The following DPP10 variants were observed in gnomAD, a reference collection of about 807,000 sequenced individuals.
DPP10 encodes dipeptidyl peptidase like 10, also known as inactive dipeptidyl peptidase 10.
DPP10 carries 33 observed loss-of-function variants against 120.9 expected under a neutral mutation model. The ratio of observed to expected loss-of-function variants is 0.27; its 90% CI spans 0.21 to 0.37. DPP10 has a LOEUF of 0.37. Ranked by LOEUF, DPP10 falls within the 10% of genes least tolerant of loss-of-function variation. The pLI is 1.00. For missense variants in DPP10, 816 were observed against 942.8 expected, an observed-to-expected ratio of 0.87 and a Z score of 1.76; for synonymous variants, 337 against 326.1, an observed-to-expected ratio of 1.03 and a Z score of -0.36.
At chr2:114,723,701 C>A (rs1212417178) in intron 1 of DPP10, among the ~76,000 whole-genome samples, 1 of 152,042 alleles carries the variant, frequency 6.6e-6, no homozygotes, top group Non-Finnish European at 1.5e-5. Context: ...CCCCTACCCT[C>A]TTTAGTGCTA....
At chr2:115,016,371 CT>C (rs1702636860) in intron 1 of DPP10, among the ~76,000 whole-genome samples, 1 of 152,066 alleles carries the variant, frequency 6.6e-6, no homozygotes, top group South Asian at 2.1e-4. Flanking sequence ...GGAATAAAGA[CT>C]AAACATAAGA....
In DPP10 at chr2:114,569,181, T is replaced by C. The variant is rs554029565; in HGVS notation, c.60+126343T>C. Among the ~76,000 whole-genome samples the C allele has an allele frequency of 2.6e-5, 4 of 152,246 alleles. No homozygotes were observed. In the East Asian group the frequency reaches 7.7e-4, roughly 29 times the overall value. ...TTAACACTGAGAAAGTCTCTTAGAG[T>C]CCCTGAAGATGAAAGTGTAGATTTT... On this transcript the variant is annotated intron_variant, in intron 1 of 25. Transcript: ENST00000410059.
chr2:115,104,284 A>C (rs1300866490), intron 1 of DPP10, among the ~76,000 whole-genome samples: 2 of 147,914 alleles, frequency 1.4e-5, no homozygotes, highest in Non-Finnish European at 3.0e-5. Flanking sequence ...GAGCTCAAGC[A>C]ATCCTCCTGC....
chr2:115,781,619 C>T (rs1427822912), intron 16 of DPP10, among the ~76,000 whole-genome samples: 1 of 151,788 alleles, frequency 6.6e-6, no homozygotes, highest in Non-Finnish European at 1.5e-5. Context: ...GAGTTGAGTG[C>T]TACTACTGCA....
At chr2:114,591,772 C>T (rs1373726146) in intron 1 of DPP10, among the ~76,000 whole-genome samples, 4 of 151,892 alleles carry the variant, frequency 2.6e-5, no homozygotes, top group Non-Finnish European at 4.4e-5. Context: ...TCAGGCTGGT[C>T]TCGAACTCCT....
At chr2:114,941,994 C>T (rs1696937478) in intron 1 of DPP10, among the ~76,000 whole-genome samples, 2 of 151,926 alleles carry the variant, frequency 1.3e-5, no homozygotes. Context: ...GATATGTTGG[C>T]CGGGTGCGGT....
At chr2:115,687,538 G>T (rs1461717850) in intron 5 of DPP10, among the ~76,000 whole-genome samples, 2 of 144,500 alleles carry the variant, frequency 1.4e-5, no homozygotes, top group Non-Finnish European at 3.1e-5. Context: ...TATGGATGAG[G>T]CCCAAGCCTA....
chr2:115,601,921 T>C (rs1053397209), intron 5 of DPP10, among the ~76,000 whole-genome samples: 23 of 152,038 alleles, frequency 1.5e-4, no homozygotes, highest in African/African-American at 4.3e-4. Context: ...GACCTTGTGA[T>C]CCGCCTGCCT....
At chr2:114,502,364 T>C (rs1683271185) in intron 1 of DPP10, among the ~76,000 whole-genome samples, 1 of 152,192 alleles carries the variant, frequency 6.6e-6, no homozygotes, top group Non-Finnish European at 1.5e-5. Flanking sequence ...TTAAACTGGA[T>C]TGCTACTTAC....
chr2:114,466,713 A>G (rs1402679266), intron 1 of DPP10, among the ~76,000 whole-genome samples: 2 of 152,204 alleles, frequency 1.3e-5, no homozygotes, highest in African/African-American at 4.8e-5. Context: ...ATTATCATCC[A>G]TAATATAGAA....
At chr2:115,546,252 G>A (rs116153378) in intron 5 of DPP10, among the ~76,000 whole-genome samples, 117 of 152,174 alleles carry the variant, frequency 7.7e-4, no homozygotes, top group African/African-American at 2.8e-3. Context: ...AATGTCTTTT[G>A]TTGACACTGA....
chr2:114,537,385 A>G (rs1032548865), intron 1 of DPP10, among the ~76,000 whole-genome samples: 1 of 152,184 alleles, frequency 6.6e-6, no homozygotes, highest in Non-Finnish European at 1.5e-5. Flanking sequence ...GAAAGAAAAA[A>G]AAACAGTTGT....
intron 1 of DPP10, among the ~76,000 whole-genome samples, chr2:115,118,119 T>C (rs1046083677): frequency 2.0e-5 from 3 of 152,168 alleles, no homozygotes; most frequent in Non-Finnish European, 4.4e-5. Flanking sequence ...TCCTGTTTAC[T>C]CAAGACCCAA....
At chr2:115,055,399 A>G (rs1259728182) in intron 1 of DPP10, among the ~76,000 whole-genome samples, 1 of 152,164 alleles carries the variant, frequency 6.6e-6, no homozygotes, top group Non-Finnish European at 1.5e-5. Context: ...TTACTATGTC[A>G]TTCTTGGAAA....
At chr2:115,433,534 A>G (rs2071204999) in intron 3 of DPP10, among the ~76,000 whole-genome samples, 3 of 152,034 alleles carry the variant, frequency 2.0e-5, no homozygotes, top group Admixed American at 6.6e-5. Flanking sequence ...TGATGTAATT[A>G]ATCTCATAAG....
chr2:115,151,490 C>T (rs2051553536), intron 1 of DPP10, among the ~76,000 whole-genome samples: 1 of 149,736 alleles, frequency 6.7e-6, no homozygotes, highest in African/African-American at 2.5e-5. Context: ...TCACTGCAAC[C>T]TCTGCCGCCT....
chr2:114,532,296 T>TATATATATATATATATACAC (rs1342125338), intron 1 of DPP10, among the ~76,000 whole-genome samples: 6 of 74,788 alleles, frequency 8.0e-5, no homozygotes, highest in Non-Finnish European at 1.3e-4. Context: ...TATATATATA[T>TATATATATATATATATACAC]ACACACACAC....
intron 1 of DPP10, among the ~76,000 whole-genome samples, chr2:114,979,906 C>G (rs1267286963): frequency 6.6e-6 from 1 of 152,024 alleles, no homozygotes; most frequent in Non-Finnish European, 1.5e-5. Context: ...CCTGCTGGCG[C>G]AAAAGTCGGT....
rs1559145324 is a variant in DPP10, at chr2:115,781,005, T to C, written c.1483+10T>C. 9.6e-6 allele frequency: 15 copies of C among 1,569,078 alleles called. No individual in the cohort carries two copies. Among genetic ancestry groups the C allele is most frequent in the South Asian group, 1.2e-5 (1 of 85,210 alleles). ...TTATTATTCTGTGAAGGTAAGATAATACATGAATTCTGATATAATATATTT... is the reference window on the plus strand; with the variant it reads ...TTATTATTCTGTGAAGGTAAGATAACACATGAATTCTGATATAATATATTT... On this transcript the variant is annotated intron_variant, in intron 16 of 25. Transcript: ENST00000410059.
Sources: allele counts gnomAD v4.1 joint callset (sites outside exome capture counted in the v4.1 genomes callset), GRCh38; gene constraint gnomAD v4.1.1; transcripts MANE v1.5; gene names NCBI Gene and HGNC (gene_info 2026-07-23, HGNC 2026-07-21).